PTCD1: variants seen among roughly 807,000 people sequenced by gnomAD.
The protein encoded by PTCD1 is pentatricopeptide repeat domain 1, also known as pentatricopeptide repeat-containing protein 1, mitochondrial.
PTCD1 carries 50 observed loss-of-function variants against 53.4 expected under a neutral mutation model. That is an observed-to-expected ratio of 0.94 (90% CI 0.75 to 1.19). The LOEUF (loss-of-function observed/expected upper bound fraction) is 1.19, where lower values mean the gene tolerates loss of function less well. PTCD1 is among the 50% of genes most tolerant of loss of function. The pLI is 0.00. For synonymous variants in PTCD1, 413 were observed against 394.8 expected, an observed-to-expected ratio of 1.05 and a Z score of -0.55; for missense variants, 918 against 904.8, an observed-to-expected ratio of 1.01 and a Z score of -0.19.
At chr7:99,435,873 T>TG (rs1796447751) in intron 1 of PTCD1, among the ~76,000 whole-genome samples, 1 of 150,924 alleles carries the variant, frequency 6.6e-6, no homozygotes, top group Non-Finnish European at 1.5e-5. Flanking sequence ...AGACGGAGCT[T>TG]GCAGTGAGCT....
Position 99,438,771 on chromosome 7 carries a change from C to T in PTCD1, c.-106G>A. The T allele has an allele frequency of 1.5e-6, 2 of 1,361,424 alleles. No individual in the cohort carries two copies. The highest frequency in any genetic ancestry group is 2.0e-4 in the Middle Eastern group (1 of 5,120). The allele number at this position is 1,361,424 out of a possible 1,614,324, so 84.3% of individuals were successfully genotyped here. On this transcript the variant is annotated 5_prime_UTR_variant, in exon 1 of 8. Transcript: ENST00000292478. The stretch of plus-strand genomic sequence containing the variant: ...CGAACCAGTCTCTTCCTCGGGTCCC[C>T]CTCTCCCCAAGCGCGCAGGCGCAAT...
At position 99,417,341 on chromosome 7, in the gene PTCD1, C is replaced by T. The variant is rs1584442390; in HGVS notation, c.*2626G>A. 1 of 1,405,410 alleles carries T rather than the reference C, an allele frequency of 7.1e-7. No homozygotes were observed. Among genetic ancestry groups the T allele is most frequent in the Non-Finnish European group, 1.0e-6 (1 of 998,524 alleles). 87.1% of individuals were successfully genotyped at this position (1,405,410 alleles called of 1,614,324 possible). A position where few individuals can be genotyped will look rare whatever the true frequency, so the allele number is the denominator to read the frequency against. ...GTGCTGGGATTACAGGTGTGAGCCA[C>T]TGCACCCGGCCTGAATGCTTTTTTT... is the stretch of plus-strand genomic sequence containing the variant. On this transcript the variant is annotated 3_prime_UTR_variant, in exon 8 of 8. Coordinates refer to ENST00000292478, the MANE Select transcript of PTCD1 (RefSeq NM_015545.4).
In PTCD1 at chr7:99,427,334, G is replaced by A. The variant is rs1221048981; in HGVS notation, c.916-1718C>T. 2.0e-4 allele frequency among the ~76,000 whole-genome samples: 28 copies of A among 143,456 alleles called. No individual in the cohort carries two copies. The South Asian group carries it at 2.0e-3, about 10-fold the overall frequency. The allele number at this position is 143,456 out of a possible 152,430, so 94.1% of individuals were successfully genotyped here. On this transcript the variant is annotated intron_variant, in intron 5 of 7. Coordinates refer to ENST00000292478, the MANE Select transcript of PTCD1 (RefSeq NM_015545.4). The stretch of plus-strand genomic sequence containing the variant: ...GGGTCAGCCCCCCGCCCGGCCAGCC[G>A]CCCCGTCCGGGAGGGAGGTGGGGGG...
At chr7:99,428,904 G>T (rs1014099326) in intron 5 of PTCD1, among the ~76,000 whole-genome samples, 199 bp downstream of exon 5, 6 of 151,834 alleles carry the variant, frequency 4.0e-5, no homozygotes, top group Non-Finnish European at 7.4e-5. Flanking sequence ...AGGGGCGGGG[G>T]CCACCCTCAT....
Position 99,435,176 on chromosome 7 carries a change from G to A in PTCD1, c.67C>T (p.His23Tyr), listed in dbSNP as rs1214811916. 1.2e-6 allele frequency: 2 copies of A among 1,604,866 alleles called. No individual in the cohort carries two copies. Among genetic ancestry groups the A allele is most frequent in the East Asian group, 4.5e-5 (2 of 44,844 alleles). Residue 23 changes from histidine (H) to tyrosine (Y), a missense_variant, in exon 2 of 8, where the codon CAC becomes TAC. Physicochemically the swap from His to Tyr is moderately conservative, Grantham distance 83. Coordinates refer to ENST00000292478, the MANE Select transcript of PTCD1 (RefSeq NM_015545.4). Reference protein sequence around the residue: ...ARPMGLFILQHLDPCRARWAG... With the variant: ...ARPMGLFILQYLDPCRARWAG... The stretch of plus-strand genomic sequence containing the variant: ...CACCTGGCTCTACAGGGGTCCAGGT[G>A]TTGCAGGATGAACAGTCCCATGGGG...
intron 2 of PTCD1, among the ~76,000 whole-genome samples, 194 bp downstream of exon 2, chr7:99,434,594 CAA>C (rs149310419): frequency 1.7e-5 from 2 of 117,870 alleles, no homozygotes. Flanking sequence ...TCCGTCTCTA[CAA>C]AAAAAAAAAA....
Position 99,433,322 on chromosome 7 carries a change from C to T in PTCD1, c.550G>A (p.Gly184Arg), listed in dbSNP as rs757199775. Residue 184 changes from glycine (G) to arginine (R), a missense_variant, in exon 3 of 8, where the codon GGG (glycine) becomes AGG (arginine). Gly to Arg is a moderately radical substitution (Grantham distance 125). Coordinates refer to ENST00000292478, the MANE Select transcript of PTCD1 (RefSeq NM_015545.4). The stretch of plus-strand genomic sequence containing the variant: ...GCCTTCTTCAGGTAGCCAACCCGCC[C>T]GCAGCCCCCAATCAGCACCGTGTAG... ...SNYTVLIGGC[G>R]RVGYLKKAFN... The T allele has an allele frequency of 2.5e-5, 40 of 1,614,076 alleles. No homozygotes were observed. Among genetic ancestry groups the T allele is most frequent in the Non-Finnish European group, 3.3e-5 (39 of 1,180,052 alleles).
intron 1 of PTCD1, among the ~76,000 whole-genome samples, chr7:99,436,154 G>A (rs1355458277): frequency 6.6e-6 from 1 of 151,950 alleles, no homozygotes; most frequent in African/African-American, 2.4e-5. Flanking sequence ...ATGTGCCCAG[G>A]CTGGTCTTGA....
In PTCD1 at chr7:99,434,204, G is replaced by A. The variant is rs1426715388; in HGVS notation, c.453+586C>T. Among the ~76,000 whole-genome samples, 11 of 152,036 alleles carry A rather than the reference G, an allele frequency of 7.2e-5. 1 individual carries two copies. Among genetic ancestry groups the A allele is most frequent in the Admixed American group, 4.6e-4 (7 of 15,256 alleles). ...CTCATGTTTGTAGTCCCAGCATTTC[G>A]GGAGACCAAGGCGGGCGGATCACCT... On this transcript the variant is annotated intron_variant, in intron 2 of 7. Transcript: ENST00000292478.
chr7:99,434,118 C>T (rs1796363427), intron 2 of PTCD1, among the ~76,000 whole-genome samples: 1 of 148,834 alleles, frequency 6.7e-6, no homozygotes, highest in Non-Finnish European at 1.5e-5. Context: ...GAAAGACACA[C>T]AGTATATCAA....
chr7:99,424,065 G>A, intron 6 of PTCD1, 108 bp from the exon 7 acceptor site: 3 of 1,481,092 alleles, frequency 2.0e-6, no homozygotes, highest in Non-Finnish European at 2.8e-6. Context: ...GCCAGGGCCA[G>A]CAAGGCAAAC....
chr7:99,429,483 C>A, intron 4 of PTCD1, 105 bp downstream of exon 4: 2 of 1,541,510 alleles, frequency 1.3e-6, no homozygotes, highest in Admixed American at 1.8e-5. Flanking sequence ...GCTGTCTCAT[C>A]CTCCCTAAGC....
chr7:99,427,614 C>T (rs542809636), intron 5 of PTCD1, among the ~76,000 whole-genome samples: 31 of 152,252 alleles, frequency 2.0e-4, no homozygotes, highest in African/African-American at 7.0e-4. Context: ...TGCCCAGCGG[C>T]TCATTGAGAA....
In PTCD1 at chr7:99,417,809, C is replaced by G; in HGVS notation, c.*2158G>C. On this transcript the variant is annotated 3_prime_UTR_variant, in exon 8 of 8. Coordinates refer to ENST00000292478, the MANE Select transcript of PTCD1 (RefSeq NM_015545.4). ...TTGTTAGGTCTGGGGTCAATCTCAA[C>G]TCCACTTTTGGGCAAATTACTGAAC... The G allele has an allele frequency of 6.6e-7, 1 of 1,507,424 alleles. No homozygotes were observed. The highest frequency in any genetic ancestry group is 8.8e-7 in the Non-Finnish European group (1 of 1,132,480). The allele number at this position is 1,507,424 out of a possible 1,614,324, so 93.4% of individuals were successfully genotyped here. A position where few individuals can be genotyped will look rare whatever the true frequency, so the allele number is the denominator to read the frequency against.
intron 7 of PTCD1, among the ~76,000 whole-genome samples, chr7:99,423,141 T>C (rs185500833): frequency 6.7e-4 from 102 of 152,040 alleles, no homozygotes; most frequent in Middle Eastern, 6.8e-3. Context: ...TGGCGCGATC[T>C]TGGCTCACAA....
chr7:99,434,345 T>C (rs1026616483), intron 2 of PTCD1, among the ~76,000 whole-genome samples: 2 of 151,200 alleles, frequency 1.3e-5, no homozygotes, highest in Middle Eastern at 3.3e-3. Flanking sequence ...ACTCAGGATG[T>C]TGAGATGGGA....
rs1421425686 is a variant in PTCD1 at position 99,419,025 on chromosome 7, G to GC, written c.*941dup. ...CCCACCAGAGTGTACCAGCCCAGAG[G>GC]CCCCCCTGAAGTCCCCAAACAGTAG... On this transcript the variant is annotated 3_prime_UTR_variant, in exon 8 of 8. Transcript: ENST00000292478. 3.7e-6 allele frequency: 1 copy of GC among 272,202 alleles called. No homozygotes were observed. Among genetic ancestry groups the GC allele is most frequent in the Non-Finnish European group, 7.2e-6 (1 of 138,852 alleles). The allele number at this position is 272,202 out of a possible 1,614,324, so 16.9% of individuals were successfully genotyped here.
chr7:99,417,206 C>T lies in PTCD1; in HGVS notation c.*2761G>A. The stretch of plus-strand genomic sequence containing the variant: ...TAAGTAGCTGGGATTACAGCTGCTA[C>T]CACGCCCGAGTAATTTTTGTATTTT... On this transcript the variant is annotated 3_prime_UTR_variant, in exon 8 of 8. Transcript: ENST00000292478. 1 of 441,176 alleles carries T rather than the reference C, an allele frequency of 2.3e-6. No homozygotes were observed. Among genetic ancestry groups the T allele is most frequent in the South Asian group, 2.1e-5 (1 of 47,520 alleles). 27.3% of individuals were successfully genotyped at this position (441,176 alleles called of 1,614,324 possible).
At chr7:99,436,625 C>A (rs1796476556) in intron 1 of PTCD1, among the ~76,000 whole-genome samples, 1 of 152,076 alleles carries the variant, frequency 6.6e-6, no homozygotes, top group South Asian at 2.1e-4. Context: ...AAAACAACAA[C>A]AACAACAACA....
Sources: gnomAD v4.1 joint callset for allele counts (sites outside exome capture counted in the v4.1 genomes callset) on GRCh38, gnomAD v4.1.1 for gene constraint, MANE v1.5 for transcripts, NCBI Gene and HGNC (gene_info 2026-07-23, HGNC 2026-07-21) for gene names.